Variants in RBPJ observed in about 807,000 individuals in gnomAD.
The protein encoded by RBPJ is recombining binding protein suppressor of hairless.
RBPJ carries 9 observed loss-of-function variants against 67.8 expected under a neutral mutation model. The ratio of observed to expected loss-of-function variants is 0.13; its 90% confidence interval spans 0.08 to 0.23. The LOEUF (loss-of-function observed/expected upper bound fraction) is 0.23, where lower values mean the gene tolerates loss of function less well. RBPJ is among the 10% of genes least tolerant of loss of function. The pLI is 1.00. For synonymous variants in RBPJ, 198 were observed against 203.3 expected, an observed-to-expected ratio of 0.97 and a Z score of 0.22; for missense variants, 305 against 595.6, an observed-to-expected ratio of 0.51 and a Z score of 5.08.
At chr4:26,342,785 TA>T (rs1247283046) in intron 1 of RBPJ, among the ~76,000 whole-genome samples, 2 of 152,252 alleles carry the variant, frequency 1.3e-5, no homozygotes, top group Non-Finnish European at 2.9e-5. Context: ...ATTTGGGTAG[TA>T]TCTCTGCTTC....
intron 1 of RBPJ, among the ~76,000 whole-genome samples, chr4:26,207,022 C>T (rs1199658903): frequency 6.6e-6 from 1 of 152,148 alleles, no homozygotes; most frequent in Non-Finnish European, 1.5e-5. Flanking sequence ...TAAATCAATT[C>T]CCCCTTTTCC....
the RBPJ span, among the ~76,000 whole-genome samples, chr4:26,137,005 G>A: frequency 6.6e-6 from 1 of 152,208 alleles, no homozygotes; most frequent in Non-Finnish European, 1.5e-5. Flanking sequence ...AAACAAGCCT[G>A]TCTATTCAGC....
chr4:26,352,238 A>G (rs1179146185), intron 1 of RBPJ, among the ~76,000 whole-genome samples: 8 of 152,192 alleles, frequency 5.3e-5, no homozygotes, highest in Non-Finnish European at 1.0e-4. Context: ...CTAAGGTGCC[A>G]GAAGATTCAG....
chr4:26,222,787 G>A (rs1417124068), intron 1 of RBPJ, among the ~76,000 whole-genome samples: 1 of 151,926 alleles, frequency 6.6e-6, no homozygotes, highest in Non-Finnish European at 1.5e-5. Context: ...AGGAAAGGAG[G>A]AGCATTTGTA....
the RBPJ span, among the ~76,000 whole-genome samples, chr4:26,140,907 A>C: frequency 6.6e-6 from 1 of 151,934 alleles, no homozygotes; most frequent in South Asian, 2.1e-4. Flanking sequence ...GGAGAATTCT[A>C]ACATAGCAAG....
At chr4:26,111,072 T>A in the RBPJ span, among the ~76,000 whole-genome samples, 1 of 152,202 alleles carries the variant, frequency 6.6e-6, no homozygotes. Flanking sequence ...CAGCTCCCTT[T>A]GAGGATGACT....
chr4:26,343,639 C>T (rs6827673), intron 1 of RBPJ, among the ~76,000 whole-genome samples: 2,792 of 151,352 alleles, frequency 0.018, 96 homozygotes, highest in African/African-American at 0.064. Flanking sequence ...CTGCCACCTC[C>T]TGGGTTCAAA....
At chr4:26,219,096 T>C (rs536006679) in intron 1 of RBPJ, among the ~76,000 whole-genome samples, 1 of 152,012 alleles carries the variant, frequency 6.6e-6, no homozygotes, top group Non-Finnish European at 1.5e-5. Flanking sequence ...TAAGAGGAAG[T>C]AAATTTAGAA....
chr4:26,377,088 G>A (rs1053008838), intron 1 of RBPJ, among the ~76,000 whole-genome samples: 6 of 152,074 alleles, frequency 3.9e-5, no homozygotes, highest in African/African-American at 1.4e-4. Flanking sequence ...GGACCATTTC[G>A]GTTTCACAGT....
intron 1 of RBPJ, among the ~76,000 whole-genome samples, chr4:26,222,493 TCAA>T (rs1718944164): frequency 1.2e-5 from 1 of 84,278 alleles, no homozygotes; most frequent in Admixed American, 1.4e-4. Flanking sequence ...AAACTCAATC[TCAA>T]AAAAAAAAAA....
chr4:26,429,455 G>A (rs749622184), intron 8 of RBPJ, among the ~76,000 whole-genome samples: 4 of 152,164 alleles, frequency 2.6e-5, no homozygotes, highest in African/African-American at 9.7e-5. Context: ...AGGGGTAGGG[G>A]CTTTGCCTTC....
intron 1 of RBPJ, among the ~76,000 whole-genome samples, chr4:26,225,768 A>T (rs1719054089): frequency 6.6e-6 from 1 of 152,148 alleles, no homozygotes; most frequent in East Asian, 1.9e-4. Flanking sequence ...AAAAAAAAAG[A>T]TCTATTAATT....
chr4:26,312,444 T>C (rs1334943056), intron 1 of RBPJ, among the ~76,000 whole-genome samples: 1 of 152,184 alleles, frequency 6.6e-6, no homozygotes, highest in African/African-American at 2.4e-5. Context: ...AGGGCCTTCT[T>C]ATGACCCTGC....
chr4:26,114,411 C>T, the RBPJ span, among the ~76,000 whole-genome samples: 9 of 149,318 alleles, frequency 6.0e-5, no homozygotes, highest in Admixed American at 3.3e-4. Flanking sequence ...GAGCCAAGAT[C>T]GCACCACTGT....
intron 1 of RBPJ, among the ~76,000 whole-genome samples, chr4:26,210,359 GA>G (rs2109168948): frequency 6.6e-6 from 1 of 152,288 alleles, no homozygotes; most frequent in East Asian, 1.9e-4. Flanking sequence ...GGAGGGAGAA[GA>G]GGTTGAAGTC....
chr4:26,192,948 G>C (rs1432299467), intron 1 of RBPJ, among the ~76,000 whole-genome samples: 16 of 152,116 alleles, frequency 1.1e-4, no homozygotes, highest in Admixed American at 1.0e-3. Flanking sequence ...CCTTATGAGT[G>C]AAAAAGGGAG....
chr4:26,347,207 T>C (rs980463150), intron 1 of RBPJ, among the ~76,000 whole-genome samples: 3 of 151,978 alleles, frequency 2.0e-5, no homozygotes, highest in Non-Finnish European at 2.9e-5. Context: ...GATGAAGATA[T>C]CCAGTGGCCA....
chr4:26,401,409 G>T (rs1223578223), intron 2 of RBPJ, among the ~76,000 whole-genome samples: 2 of 152,170 alleles, frequency 1.3e-5, no homozygotes, highest in African/African-American at 4.8e-5. Context: ...TTTCTAAAAT[G>T]TACATAATAG....
intron 1 of RBPJ, among the ~76,000 whole-genome samples, chr4:26,378,423 C>T (rs529651696): frequency 1.3e-5 from 2 of 152,162 alleles, no homozygotes; most frequent in African/African-American, 2.4e-5. Flanking sequence ...TTAATGGAGA[C>T]CCGTATTCTC....
Sources: allele counts gnomAD v4.1 joint callset (sites outside exome capture counted in the v4.1 genomes callset), GRCh38; gene constraint gnomAD v4.1.1; transcripts MANE v1.5; gene names NCBI Gene and HGNC (gene_info 2026-07-23, HGNC 2026-07-21).